The following ARHGAP39 variants were observed in gnomAD, a reference collection of about 807,000 sequenced individuals.
The protein encoded by ARHGAP39 is rho GTPase-activating protein 39.
A neutral mutation model predicts 106.9 loss-of-function variants in ARHGAP39; 44 were observed. The observed-to-expected ratio is 0.41, with a 90% CI of 0.32 to 0.53. The LOEUF (loss-of-function observed/expected upper bound fraction) is 0.53, where lower values mean the gene tolerates loss of function less well. ARHGAP39 is among the 20% of genes least tolerant of loss of function. The probability of loss-of-function intolerance (pLI) is 0.21; values close to 1 mark genes in which losing one functional copy is unlikely to be tolerated. For synonymous variants in ARHGAP39, 768 were observed against 693.2 expected (o/e 1.11, Z -1.69); for missense variants, 1,496 against 1,577.3 (o/e 0.95, Z 0.87).
chr8:144,532,656 G>A (rs1437110420), intron 9 of ARHGAP39, among the ~76,000 whole-genome samples: 1 of 152,202 alleles, frequency 6.6e-6, no homozygotes, highest in Non-Finnish European at 1.5e-5. Context: ...GGCTCCCTGG[G>A]TGGATGCCCT....
intron 1 of ARHGAP39, among the ~76,000 whole-genome samples, chr8:144,664,595 T>A (rs972629054): frequency 6.6e-6 from 1 of 152,206 alleles, no homozygotes; most frequent in Non-Finnish European, 1.5e-5. Flanking sequence ...TTCCCACATG[T>A]TGTGGGAGGG....
At chr8:144,681,014 G>GTC (rs2129765025) in intron 1 of ARHGAP39, among the ~76,000 whole-genome samples, 1 of 152,300 alleles carries the variant, frequency 6.6e-6, no homozygotes, top group South Asian at 2.1e-4. Context: ...CTGGTCTCAG[G>GTC]TGTCTTGATA....
At chr8:144,592,182 G>GC (rs1240129863) in intron 2 of ARHGAP39, among the ~76,000 whole-genome samples, 1 of 152,154 alleles carries the variant, frequency 6.6e-6, no homozygotes, top group Non-Finnish European at 1.5e-5. Flanking sequence ...GCACTCCTGC[G>GC]CGCGTGTGGG....
intron 1 of ARHGAP39, among the ~76,000 whole-genome samples, chr8:144,657,185 A>G (rs936650593): frequency 6.6e-6 from 1 of 152,102 alleles, no homozygotes; most frequent in East Asian, 1.9e-4. Context: ...TTTGAACCCA[A>G]AAGTTCAAGA....
At chr8:144,611,135 C>A (rs757734543) in intron 1 of ARHGAP39, among the ~76,000 whole-genome samples, 2 of 152,188 alleles carry the variant, frequency 1.3e-5, no homozygotes, top group Non-Finnish European at 2.9e-5. Flanking sequence ...AGCTTTCTAA[C>A]CTTTCTTTTG....
At chr8:144,628,972 C>A (rs111740147) in intron 1 of ARHGAP39, among the ~76,000 whole-genome samples, 1 of 152,296 alleles carries the variant, frequency 6.6e-6, no homozygotes, top group African/African-American at 2.4e-5. Context: ...CTTGTGATGG[C>A]GGATGCATCT....
chr8:144,558,694 C>T (rs1818034032), intron 3 of ARHGAP39, among the ~76,000 whole-genome samples: 1 of 152,138 alleles, frequency 6.6e-6, no homozygotes, highest in Non-Finnish European at 1.5e-5. Flanking sequence ...AGTATGTTCA[C>T]CCCCTACTCT....
chr8:144,532,624 C>T (rs1816776112), intron 9 of ARHGAP39, among the ~76,000 whole-genome samples: 2 of 152,172 alleles, frequency 1.3e-5, no homozygotes, highest in Admixed American at 6.5e-5. Flanking sequence ...CCCAGGCCAC[C>T]GTCCCTCCCT....
chr8:144,613,312 T>C (rs1023157069), intron 1 of ARHGAP39, among the ~76,000 whole-genome samples: 3 of 152,260 alleles, frequency 2.0e-5, no homozygotes, highest in Admixed American at 2.0e-4. Flanking sequence ...TACTCTTCAA[T>C]TTTCTGTATA....
intron 3 of ARHGAP39, among the ~76,000 whole-genome samples, chr8:144,579,035 T>C (rs778376015): frequency 7.3e-5 from 11 of 150,718 alleles, no homozygotes; most frequent in Non-Finnish European, 1.5e-4. Context: ...ACCCTGTTTC[T>C]ACTAAAAACA....
rs772886497 is a variant in ARHGAP39, at chr8:144,580,951, G to C, written c.407C>G (p.Thr136Ser). 1.2e-6 allele frequency: 2 copies of C among 1,604,984 alleles called. No individual in the cohort carries two copies. The highest frequency in any genetic ancestry group is 4.5e-5 in the East Asian group (2 of 44,628). The change falls in exon 3 of 12, where the codon ACC becomes AGC. Residue 136 changes from threonine to serine, a missense_variant. By Grantham distance (58) the Thr-to-Ser change is moderately conservative. This residue lies in a region of ARHGAP39 where 905 missense variants were observed against 816.4 expected (regional missense o/e 1.11). Coordinates refer to ENST00000377307, the MANE Select transcript of ARHGAP39 (RefSeq NM_025251.3). ...RGSSVSREGS[T>S]SSSLEPEPDT... ...GGGCTCGGGCTCCAGGGAGGAGCTGGTGCTGCCCTCACGGCTGACGCTGCT... is the reference window on the plus strand; with the variant it reads ...GGGCTCGGGCTCCAGGGAGGAGCTGCTGCTGCCCTCACGGCTGACGCTGCT...
At position 144,545,700 on chromosome 8, in the gene ARHGAP39, C is replaced by T. The variant is rs371616316; in HGVS notation, c.2070G>A (p.Ser690=). 85 of 1,613,042 alleles carry T rather than the reference C, an allele frequency of 5.3e-5. No homozygotes were observed. Among genetic ancestry groups the T allele is most frequent in the African/African-American group, 1.7e-4 (13 of 74,934 alleles). The part of the protein sequence containing the change: ...FPTFTLRKPS[S]ETDIENWASK... ...AGGCCCAGTTCTCGATGTCCGTCTC[C>T]GAGGAGGGCTTGCGCAGCGTGAAAG... Residue 690 remains serine, a synonymous_variant, in exon 6 of 12, where the codon TCG becomes TCA. Coordinates refer to ENST00000377307, the MANE Select transcript of ARHGAP39 (RefSeq NM_025251.3).
intron 1 of ARHGAP39, among the ~76,000 whole-genome samples, chr8:144,674,439 T>A (rs1425092787): frequency 6.6e-6 from 1 of 152,202 alleles, no homozygotes; most frequent in African/African-American, 2.4e-5. Flanking sequence ...TTTGCCTGAG[T>A]CTGGCTGAGT....
chr8:144,534,946 G>C (rs1003806787), intron 7 of ARHGAP39, among the ~76,000 whole-genome samples: 1 of 152,204 alleles, frequency 6.6e-6, no homozygotes, highest in Non-Finnish European at 1.5e-5. Flanking sequence ...TCCCAGGCTG[G>C]GTCTGGAAGG....
chr8:144,619,785 CGA>C (rs746622308), intron 1 of ARHGAP39, among the ~76,000 whole-genome samples: 9 of 125,346 alleles, frequency 7.2e-5, no homozygotes, highest in Middle Eastern at 7.2e-3. Flanking sequence ...AGCCTGTGTC[CGA>C]GAGAGCGCGT....
intron 2 of ARHGAP39, among the ~76,000 whole-genome samples, chr8:144,601,397 C>T (rs1205697022): frequency 8.1e-6 from 1 of 123,334 alleles, no homozygotes; most frequent in Non-Finnish European, 1.6e-5. Flanking sequence ...GGCGTGTGTG[C>T]TCGTCTACCT....
intron 2 of ARHGAP39, among the ~76,000 whole-genome samples, chr8:144,603,201 G>C (rs368826212): frequency 6.8e-6 from 1 of 147,736 alleles, no homozygotes; most frequent in Non-Finnish European, 1.5e-5. Context: ...GCGTGGAGGC[G>C]TGTGTGTGCT....
At chr8:144,599,722 G>A (rs1819772460) in intron 2 of ARHGAP39, among the ~76,000 whole-genome samples, 1 of 152,314 alleles carries the variant, frequency 6.6e-6, no homozygotes, top group Non-Finnish European at 1.5e-5. Flanking sequence ...ATGAAGAAAA[G>A]AGAAAGAGCT....
chr8:144,611,531 G>T (rs1050967844), intron 1 of ARHGAP39, among the ~76,000 whole-genome samples: 8 of 152,046 alleles, frequency 5.3e-5, no homozygotes, highest in Non-Finnish European at 1.0e-4. Context: ...TCTGTTATTA[G>T]GTGCATACAC....
Sources: allele counts gnomAD v4.1 joint callset (sites outside exome capture counted in the v4.1 genomes callset), GRCh38; gene constraint gnomAD v4.1.1; regional missense constraint gnomAD v4.1.1; transcripts MANE v1.5; gene names NCBI Gene and HGNC (gene_info 2026-07-23, HGNC 2026-07-21).